DZIP1: variants seen among roughly 807,000 people sequenced by gnomAD.
DZIP1 encodes DAZ interacting zinc finger protein 1.
In DZIP1, 97 loss-of-function variants were observed where a neutral mutation model predicts 107.6. The ratio of observed to expected loss-of-function variants is 0.90; its 90% CI spans 0.77 to 1.07. The LOEUF is 1.07. Among genes scored for constraint, DZIP1 ranks in the 50% least tolerant of loss-of-function variants. The probability of loss-of-function intolerance (pLI) is 0.00; values close to 1 mark genes in which losing one functional copy is unlikely to be tolerated. For synonymous variants in DZIP1, 390 were observed against 386.4 expected (o/e 1.01, Z -0.11); for missense variants, 1,035 against 1,063.6 (o/e 0.97, Z 0.37).
At chr13:95,624,486 G>T (rs1481124282) in intron 8 of DZIP1, among the ~76,000 whole-genome samples, 1 of 152,148 alleles carries the variant, frequency 6.6e-6, no homozygotes, top group Non-Finnish European at 1.5e-5. Context: ...ACAGTTCAAG[G>T]CTAACCTAAC....
At chr13:95,583,480 GA>G (rs940511978) in intron 22 of DZIP1, among the ~76,000 whole-genome samples, 15 of 152,128 alleles carry the variant, frequency 9.9e-5, no homozygotes, top group African/African-American at 3.6e-4. Context: ...CGATGGCATA[GA>G]GAAGCCTTCT....
chr13:95,603,610 T>G (rs961157550), intron 14 of DZIP1, among the ~76,000 whole-genome samples: 1 of 152,176 alleles, frequency 6.6e-6, no homozygotes, highest in Admixed American at 6.5e-5. Context: ...CTGGGCATCC[T>G]AATACCACCA....
At chr13:95,589,508 G>A (rs2044253572) in intron 18 of DZIP1, among the ~76,000 whole-genome samples, 1 of 152,138 alleles carries the variant, frequency 6.6e-6, no homozygotes, top group Non-Finnish European at 1.5e-5. Flanking sequence ...GTTTAGATGA[G>A]GTCATGTGGA....
intron 5 of DZIP1, among the ~76,000 whole-genome samples, chr13:95,639,590 CAAAAA>C (rs34000481): frequency 1.2e-5 from 1 of 85,584 alleles, no homozygotes; most frequent in Non-Finnish European, 2.3e-5. Flanking sequence ...GACTCCATCT[CAAAAA>C]AAAAAAAAAA....
Position 95,607,918 on chromosome 13 carries a change from A to C in DZIP1, c.1420+1539T>G, listed in dbSNP as rs373225831. Among the ~76,000 whole-genome samples the C allele has an allele frequency of 3.9e-5, 6 of 152,226 alleles. No individual in the cohort carries two copies. In the East Asian group the frequency reaches 7.7e-4, roughly 20 times the overall value. On this transcript the variant is annotated intron_variant, in intron 13 of 22. Coordinates refer to ENST00000376829, the MANE Select transcript of DZIP1 (RefSeq NM_198968.4). The stretch of plus-strand genomic sequence containing the variant: ...ATATCTGCTTTATATTAGACATTAC[A>C]AATCTTCATTTTACTGGCTATAGGT...
At chr13:95,584,121 C>T (rs1160808380) in intron 22 of DZIP1, among the ~76,000 whole-genome samples, 1 of 151,776 alleles carries the variant, frequency 6.6e-6, no homozygotes, top group Non-Finnish European at 1.5e-5. Context: ...GGACTACAGG[C>T]GCGCACCACC....
intron 12 of DZIP1, among the ~76,000 whole-genome samples, chr13:95,610,306 T>G (rs2044954673): frequency 7.4e-6 from 1 of 135,850 alleles, no homozygotes; most frequent in South Asian, 2.4e-4. Context: ...TAATTAAGAG[T>G]TTTTTGGTTT....
At chr13:95,600,897 T>C (rs879847812) in intron 14 of DZIP1, among the ~76,000 whole-genome samples, 2 of 152,164 alleles carry the variant, frequency 1.3e-5, no homozygotes, top group Admixed American at 1.3e-4. Context: ...TTATAGAGCA[T>C]CAAGATTTTT....
Position 95,580,605 on chromosome 13 carries a change from A to G in DZIP1, c.*1629T>C, listed in dbSNP as rs2043999653. On this transcript the variant is annotated 3_prime_UTR_variant, in exon 23 of 23. Coordinates refer to ENST00000376829, the MANE Select transcript of DZIP1 (RefSeq NM_198968.4). ...TTCTCACACCTTTAGGATGAGGATT[A>G]TAACAATAACTACATCGCAAAGTTG... 6.6e-6 allele frequency: 1 copy of G among 152,196 alleles called. No individual in the cohort carries two copies. The highest frequency in any genetic ancestry group is 1.5e-5 in the Non-Finnish European group (1 of 68,032). The allele number at this position is 152,196 out of a possible 1,614,324, so 9.4% of individuals were successfully genotyped here. A position where few individuals can be genotyped will look rare whatever the true frequency, so the allele number is the denominator to read the frequency against.
intron 22 of DZIP1, 94 bp from the exon 23 acceptor site, chr13:95,582,407 T>A: frequency 9.4e-7 from 1 of 1,060,634 alleles, no homozygotes; most frequent in Non-Finnish European, 1.4e-6. Context: ...ATATTGTCAT[T>A]AATCACTCAG....
intron 22 of DZIP1, among the ~76,000 whole-genome samples, chr13:95,583,378 A>G (rs530232455): frequency 9.9e-5 from 15 of 152,134 alleles, no homozygotes; most frequent in Non-Finnish European, 1.8e-4. Context: ...TTTGCAGGAC[A>G]TCAACAGTTA....
chr13:95,637,895 A>C (rs545121442), intron 5 of DZIP1, among the ~76,000 whole-genome samples: 17 of 152,288 alleles, frequency 1.1e-4, no homozygotes, highest in African/African-American at 3.9e-4. Context: ...AAACTTAAAA[A>C]CACTGTCTTA....
At chr13:95,594,890 A>G (rs950996830) in intron 15 of DZIP1, among the ~76,000 whole-genome samples, 4 of 152,136 alleles carry the variant, frequency 2.6e-5, no homozygotes, top group African/African-American at 9.7e-5. Flanking sequence ...TAAAAAAAAA[A>G]AGTCAAGTTC....
chr13:95,625,000 T>A, intron 7 of DZIP1, 71 bp from the exon 8 acceptor site: 1 of 1,345,674 alleles, frequency 7.4e-7, no homozygotes, highest in South Asian at 1.4e-5. Flanking sequence ...AAAATAAAAG[T>A]TCATAGCATC....
In DZIP1 at chr13:95,642,060, G is replaced by C; in HGVS notation, c.-31C>G. On this transcript the variant is annotated 5_prime_UTR_variant, in exon 4 of 23. Transcript: ENST00000376829. The stretch of plus-strand genomic sequence containing the variant: ...GAGCCGGGCGGTCTTTACCCAGCCT[G>C]GGCCGCCTCCCGGGCCGCCGCCGCC... 6.6e-7 allele frequency: 1 copy of C among 1,520,438 alleles called. No individual in the cohort carries two copies. Among genetic ancestry groups the C allele is most frequent in the South Asian group, 1.3e-5 (1 of 79,074 alleles). The allele number at this position is 1,520,438 out of a possible 1,614,324, so 94.2% of individuals were successfully genotyped here. A position where few individuals can be genotyped will look rare whatever the true frequency, so the allele number is the denominator to read the frequency against.
intron 14 of DZIP1, among the ~76,000 whole-genome samples, chr13:95,603,313 A>C (rs986459890): frequency 1.5e-5 from 2 of 135,574 alleles, no homozygotes; most frequent in African/African-American, 6.2e-5. Flanking sequence ...TCTCAAAAAA[A>C]AAAAAAAAAA....
Position 95,594,084 on chromosome 13 carries a change from T to C in DZIP1, c.1540A>G (p.Arg514Gly). ...IEELSEEEKGRENEQKLNNNK... is the reference protein window; with the variant it reads ...IEELSEEEKGGENEQKLNNNK... ...TTATTTAATTTCTGTTCATTTTCCC[T>C]TCCTGAAATAAGGTTTTAAAAATGT... is the stretch of plus-strand genomic sequence containing the variant. The change falls in exon 16 of 23, where the codon AGG (arginine) becomes GGG (glycine). Residue 514 changes from arginine (R) to glycine (G), a missense_variant and splice_region_variant. Arg to Gly is a moderately radical substitution (Grantham distance 125). Coordinates refer to ENST00000376829, the MANE Select transcript of DZIP1 (RefSeq NM_198968.4). 1 of 1,593,870 alleles carries C rather than the reference T, an allele frequency of 6.3e-7. No individual in the cohort carries two copies. Among genetic ancestry groups the C allele is most frequent in the Non-Finnish European group, 8.5e-7 (1 of 1,171,776 alleles).
intron 6 of DZIP1, among the ~76,000 whole-genome samples, chr13:95,632,040 C>A (rs948994562): frequency 6.6e-6 from 1 of 152,202 alleles, no homozygotes; most frequent in Non-Finnish European, 1.5e-5. Context: ...ACAACACACT[C>A]CCCAGGTTTC....
chr13:95,611,618 C>T (rs536317522), intron 11 of DZIP1, 125 bp from the exon 12 acceptor site: 2 of 775,386 alleles, frequency 2.6e-6, no homozygotes, highest in South Asian at 3.6e-5. Context: ...GGACATAGGG[C>T]ATGTGGTCTT....
Sources: gnomAD v4.1 joint callset for allele counts (sites outside exome capture counted in the v4.1 genomes callset) on GRCh38, gnomAD v4.1.1 for gene constraint, MANE v1.5 for transcripts, NCBI Gene and HGNC (gene_info 2026-07-23, HGNC 2026-07-21) for gene names.